DPP6: variants seen among roughly 807,000 people sequenced by gnomAD.
DPP6 encodes dipeptidyl peptidase like 6, also known as A-type potassium channel modulatory protein DPP6.
A neutral mutation model predicts 122.6 loss-of-function variants in DPP6; 69 were observed. That is an observed-to-expected ratio of 0.56 (90% confidence interval 0.46 to 0.69). DPP6 has a LOEUF of 0.69. Ranked by LOEUF, DPP6 falls within the 30% of genes least tolerant of loss-of-function variation. The pLI, the probability that DPP6 is intolerant of heterozygous loss-of-function variation, is 0.00. For missense variants in DPP6, 928 were observed against 1,116.9 expected, an observed-to-expected ratio of 0.83 and a Z score of 2.41; for synonymous variants, 418 against 433.1, an observed-to-expected ratio of 0.97 and a Z score of 0.43.
the DPP6 span, among the ~76,000 whole-genome samples, chr7:153,780,360 T>A: frequency 6.6e-6 from 1 of 151,784 alleles, no homozygotes; most frequent in Non-Finnish European, 1.5e-5. Flanking sequence ...TCTACTGACC[T>A]TTTTTTTAAA....
At chr7:154,516,136 C>T (rs1220444107) in intron 3 of DPP6, among the ~76,000 whole-genome samples, 1 of 152,176 alleles carries the variant, frequency 6.6e-6, no homozygotes, top group East Asian at 1.9e-4. Flanking sequence ...TGGGGCCAGA[C>T]TCTTGCGGCA....
chr7:154,795,991 C>T (rs1798030450), intron 12 of DPP6, 108 bp downstream of exon 12: 1 of 1,455,750 alleles, frequency 6.9e-7, no homozygotes, highest in East Asian at 2.5e-5. Flanking sequence ...GTAAATCACA[C>T]AGGGCTCCCC....
At chr7:154,244,744 A>T (rs1390551395) in intron 1 of DPP6, among the ~76,000 whole-genome samples, 1 of 152,188 alleles carries the variant, frequency 6.6e-6, no homozygotes, top group African/African-American at 2.4e-5. Context: ...AAATGGAAGG[A>T]TAAAATTCTT....
Position 154,893,085 on chromosome 7 carries a change from T to A in DPP6, c.*605T>A. 9.8e-6 allele frequency: 4 copies of A among 407,948 alleles called. No individual in the cohort carries two copies. The highest frequency in any genetic ancestry group is 7.4e-5 in the South Asian group (4 of 54,164). 25.3% of individuals were successfully genotyped at this position (407,948 alleles called of 1,614,324 possible). A position where few individuals can be genotyped will look rare whatever the true frequency, so the allele number is the denominator to read the frequency against. On this transcript the variant is annotated 3_prime_UTR_variant, in exon 26 of 26. Coordinates refer to ENST00000377770, the MANE Select transcript of DPP6 (RefSeq NM_130797.4). ...GTTAACCTGATAGAATTAACTCGTA[T>A]TTTTCTATGGTTTTAACCTGATGCT... is the stretch of plus-strand genomic sequence containing the variant.
chr7:154,490,438 G>C (rs1360195510), intron 3 of DPP6, among the ~76,000 whole-genome samples: 1 of 152,202 alleles, frequency 6.6e-6, no homozygotes, highest in Non-Finnish European at 1.5e-5. Context: ...CAGCAGAAGT[G>C]CTGTGGGGTA....
At chr7:154,652,482 C>A (rs932512954) in intron 6 of DPP6, among the ~76,000 whole-genome samples, 1 of 151,206 alleles carries the variant, frequency 6.6e-6, no homozygotes, top group Admixed American at 6.6e-5. Flanking sequence ...CATTAGTGTC[C>A]TTGGATAATA....
chr7:154,474,706 A>G (rs1170869625), intron 2 of DPP6, among the ~76,000 whole-genome samples: 2 of 152,130 alleles, frequency 1.3e-5, no homozygotes, highest in African/African-American at 2.4e-5. Context: ...TACATGCTGC[A>G]GGTGTGGGTG....
rs1390259372 is a variant in DPP6, at chr7:154,760,450, C to T, written c.884-8967C>T. On this transcript the variant is annotated intron_variant, in intron 8 of 25. Transcript: ENST00000377770. The surrounding 1 kb of genome is among the most constrained non-coding windows in gnomAD (Gnocchi z 4.5). ...GACAGACTTCAGCCAGTTCTCTTAT[C>T]TCGGGGCGGAGGGAGCGTCAGTGTT... is the stretch of plus-strand genomic sequence containing the variant. 6.6e-6 allele frequency among the ~76,000 whole-genome samples: 1 copy of T among 152,134 alleles called. No individual in the cohort carries two copies. Among genetic ancestry groups the T allele is most frequent in the African/African-American group, 2.4e-5 (1 of 41,434 alleles).
At chr7:154,317,843 A>T (rs557007707) in intron 1 of DPP6, among the ~76,000 whole-genome samples, 3 of 152,376 alleles carry the variant, frequency 2.0e-5, no homozygotes, top group Non-Finnish European at 2.9e-5. Flanking sequence ...ACTTAAAGGA[A>T]CAGACAGTAA....
the DPP6 span, among the ~76,000 whole-genome samples, chr7:153,778,489 G>A: frequency 6.6e-6 from 1 of 150,680 alleles, no homozygotes; most frequent in Non-Finnish European, 1.5e-5. Flanking sequence ...TTGTATTTTG[G>A]GGGGAATGGG....
chr7:154,181,400 G>C (rs571254648), intron 1 of DPP6, among the ~76,000 whole-genome samples: 4 of 152,130 alleles, frequency 2.6e-5, no homozygotes, highest in Non-Finnish European at 5.9e-5. Flanking sequence ...GCCAGCTCTG[G>C]TGTCAGAAAT....
chr7:154,613,903 C>A (rs1025100016), intron 5 of DPP6, among the ~76,000 whole-genome samples: 1 of 152,202 alleles, frequency 6.6e-6, no homozygotes, highest in Non-Finnish European at 1.5e-5. Flanking sequence ...AGCATGCAAC[C>A]ACATGGCCAG....
chr7:154,627,772 T>G (rs750129015), intron 5 of DPP6, among the ~76,000 whole-genome samples: 6 of 152,128 alleles, frequency 3.9e-5, no homozygotes, highest in Non-Finnish European at 7.4e-5. Context: ...AGTCAGAAGT[T>G]TTGGCAAGAT....
At chr7:153,982,787 C>G (rs1796654041) in intron 1 of DPP6, among the ~76,000 whole-genome samples, 1 of 152,148 alleles carries the variant, frequency 6.6e-6, no homozygotes, top group Non-Finnish European at 1.5e-5. Flanking sequence ...AGTTTTTCTT[C>G]TAACAGTCAG....
chr7:154,079,782 G>A (rs185559061), intron 1 of DPP6, among the ~76,000 whole-genome samples: 3 of 152,090 alleles, frequency 2.0e-5, no homozygotes, highest in Non-Finnish European at 4.4e-5. Context: ...TGGACCCTTC[G>A]ATGTTCCTGG....
chr7:153,843,195 TAC>T, the DPP6 span, among the ~76,000 whole-genome samples: 3,707 of 150,228 alleles, frequency 0.025, 127 homozygotes, highest in African/African-American at 0.084. Flanking sequence ...CACGCGTGCA[TAC>T]ACACACGTGC....
At chr7:154,798,640 A>G (rs1284572862) in intron 12 of DPP6, among the ~76,000 whole-genome samples, 1 of 152,182 alleles carries the variant, frequency 6.6e-6, no homozygotes, top group Non-Finnish European at 1.5e-5. Flanking sequence ...TGATTGTGAC[A>G]CTGGGTTGGG....
chr7:154,793,960 T>C lies in DPP6; in HGVS notation c.1137-119T>C, dbSNP rs1238222410. ...TTCAGAAGCTCGCAGGCTGGCTGTGTCACCACTGGCTCCGGCCCCCGGCTC... is the reference window on the plus strand; with the variant it reads ...TTCAGAAGCTCGCAGGCTGGCTGTGCCACCACTGGCTCCGGCCCCCGGCTC... On this transcript the variant is annotated intron_variant, in intron 10 of 25. Coordinates refer to ENST00000377770, the MANE Select transcript of DPP6 (RefSeq NM_130797.4). The C allele has an allele frequency of 2.1e-6, 3 of 1,442,922 alleles. No individual in the cohort carries two copies. The Admixed American group carries it at 7.3e-5, about 35-fold the overall frequency. The allele number at this position is 1,442,922 out of a possible 1,614,324, so 89.4% of individuals were successfully genotyped here.
intron 17 of DPP6, among the ~76,000 whole-genome samples, chr7:154,864,993 G>T (rs963480525): frequency 1.3e-5 from 2 of 152,144 alleles, no homozygotes; most frequent in African/African-American, 2.4e-5. Flanking sequence ...ATTTGAGATC[G>T]CACACTGACG....
Sources: gnomAD v4.1 joint callset for allele counts (sites outside exome capture counted in the v4.1 genomes callset) on GRCh38, gnomAD v4.1.1 for gene constraint, Gnocchi (gnomAD v3.1) non-coding constraint, MANE v1.5 for transcripts, NCBI Gene and HGNC (gene_info 2026-07-23, HGNC 2026-07-21) for gene names.